The following BUB1B variants were observed in gnomAD, a reference collection of about 807,000 sequenced individuals.
BUB1B encodes the protein BUB1 mitotic checkpoint serine/threonine kinase B.
A neutral mutation model predicts 137.7 loss-of-function variants in BUB1B; 86 were observed. The observed-to-expected ratio is 0.62, with a 90% CI of 0.52 to 0.75. The LOEUF (loss-of-function observed/expected upper bound fraction) is 0.75, where lower values mean the gene tolerates loss of function less well. Among genes scored for constraint, BUB1B ranks in the 30% least tolerant of loss-of-function variants. The pLI is 0.00. For synonymous variants in BUB1B, 420 were observed against 417.9 expected (o/e 1.00, Z -0.06); for missense variants, 1,130 against 1,236.9 (o/e 0.91, Z 1.30).
intron 22 of BUB1B, among the ~76,000 whole-genome samples, chr15:40,219,156 C>T (rs186580888): frequency 1.1e-4 from 17 of 152,178 alleles, no homozygotes; most frequent in African/African-American, 1.7e-4. Flanking sequence ...GTGATCCGCC[C>T]GCCTCGGCCT....
In BUB1B at chr15:40,200,968, C is replaced by A; in HGVS notation, c.1555C>A (p.Pro519Thr). 1.2e-5 allele frequency: 19 copies of A among 1,613,234 alleles called. No individual in the cohort carries two copies. The highest frequency in any genetic ancestry group is 1.6e-5 in the Non-Finnish European group (19 of 1,179,494). ...SLAENIWQEQ[P>T]HSKGPSVPFS... ...TGCGGAGAACATTTGGCAGGAACAACCTCATTCTAAAGGTGAGTTGTATTT... is the reference window on the plus strand; with the variant it reads ...TGCGGAGAACATTTGGCAGGAACAAACTCATTCTAAAGGTGAGTTGTATTT... The change falls in exon 12 of 23, where the codon CCT becomes ACT. Residue 519 changes from proline to threonine, a missense_variant. Transcript: ENST00000287598.
intron 8 of BUB1B, among the ~76,000 whole-genome samples, chr15:40,191,330 T>G (rs562714735): frequency 6.6e-6 from 1 of 152,362 alleles, no homozygotes; most frequent in Non-Finnish European, 1.5e-5. Context: ...GGTTTTTTAT[T>G]GTTGAGTTTA....
intron 8 of BUB1B, among the ~76,000 whole-genome samples, chr15:40,187,614 A>G (rs2037383929): frequency 6.6e-6 from 1 of 152,050 alleles, no homozygotes; most frequent in South Asian, 2.1e-4. Flanking sequence ...AATTATAATA[A>G]TAAAGAAAAA....
At chr15:40,196,873 C>G in intron 9 of BUB1B, 99 bp downstream of exon 9, 1 of 1,086,642 alleles carries the variant, frequency 9.2e-7, no homozygotes, top group Non-Finnish European at 1.4e-6. Context: ...TAGTTTGTAC[C>G]TTTGTATGAT....
chr15:40,163,809 G>A (rs759860564), intron 1 of BUB1B, among the ~76,000 whole-genome samples: 26 of 152,202 alleles, frequency 1.7e-4, no homozygotes, highest in Non-Finnish European at 2.6e-4. Flanking sequence ...CGATCAGCCT[G>A]TGGTAAAATT....
Position 40,209,535 on chromosome 15 carries a change from G to A in BUB1B, c.2144-100G>A, listed in dbSNP as rs1595533373. ...TAGTTAAATTAACAGTGCTGACTGT[G>A]TAATCTTGATTTTTTTTTTCTTCTA... On this transcript the variant is annotated intron_variant, in intron 16 of 22. Coordinates refer to ENST00000287598, the MANE Select transcript of BUB1B (RefSeq NM_001211.6). 8 of 1,403,170 alleles carry A rather than the reference G, an allele frequency of 5.7e-6. No individual in the cohort carries two copies. The East Asian group carries it at 1.8e-4, about 32-fold the overall frequency. The allele number at this position is 1,403,170 out of a possible 1,614,324, so 86.9% of individuals were successfully genotyped here.
chr15:40,218,922 T>G (rs1168658330), intron 22 of BUB1B, among the ~76,000 whole-genome samples: 1 of 152,242 alleles, frequency 6.6e-6, no homozygotes, highest in African/African-American at 2.4e-5. Context: ...TTTATTTATT[T>G]ATTTTTTGAG....
At chr15:40,161,309 A>C in intron 1 of BUB1B, 54 bp downstream of exon 1, 4 of 1,579,054 alleles carry the variant, frequency 2.5e-6, no homozygotes, top group Non-Finnish European at 3.4e-6. Flanking sequence ...ACGGCCTGGT[A>C]GGTAATAGAA....
At chr15:40,193,360 G>T (rs769391916) in intron 8 of BUB1B, among the ~76,000 whole-genome samples, 1 of 150,176 alleles carries the variant, frequency 6.7e-6, no homozygotes, top group Non-Finnish European at 1.5e-5. Context: ...TCTAATAGGT[G>T]TGCAGCAGTA....
chr15:40,204,379 G>C (rs2140902996), intron 14 of BUB1B, among the ~76,000 whole-genome samples: 1 of 151,598 alleles, frequency 6.6e-6, no homozygotes. Flanking sequence ...TGGATACAGT[G>C]GTTCTAGATT....
intron 20 of BUB1B, among the ~76,000 whole-genome samples, chr15:40,216,044 G>GT (rs2037776543): frequency 6.6e-6 from 1 of 152,222 alleles, no homozygotes; most frequent in African/African-American, 2.4e-5. Context: ...CAAAGTAACA[G>GT]TGAGTGAGTA....
At chr15:40,216,563 ATATATATATT>A (rs1381405241) in intron 20 of BUB1B, among the ~76,000 whole-genome samples, 1 of 91,944 alleles carries the variant, frequency 1.1e-5, no homozygotes, top group Non-Finnish European at 2.3e-5. Flanking sequence ...ATATATATAT[ATATATATATT>A]TTTTTTTTTT....
At chr15:40,196,515 A>T in intron 8 of BUB1B, 30 bp from the exon 9 acceptor site, 1 of 1,547,406 alleles carries the variant, frequency 6.5e-7, no homozygotes, top group Non-Finnish European at 8.9e-7. Context: ...ATTTTGACCC[A>T]TATGAATAAT....
intron 13 of BUB1B, 41 bp downstream of exon 13, chr15:40,202,506 G>C (rs752849443): frequency 6.3e-7 from 1 of 1,595,284 alleles, no homozygotes; most frequent in Non-Finnish European, 8.6e-7. Context: ...TTTTACTTAA[G>C]AATTTTCTGT....
chr15:40,191,329 T>C (rs1489341856), intron 8 of BUB1B, among the ~76,000 whole-genome samples: 3 of 152,264 alleles, frequency 2.0e-5, no homozygotes, highest in African/African-American at 7.2e-5. Flanking sequence ...TGGTTTTTTA[T>C]TGTTGAGTTT....
At chr15:40,199,515 A>G in intron 9 of BUB1B, 100 bp from the exon 10 acceptor site, 4 of 832,728 alleles carry the variant, frequency 4.8e-6, no homozygotes, top group Non-Finnish European at 8.2e-6. Flanking sequence ...TTTCATCTGT[A>G]TTAGTAACAT....
intron 5 of BUB1B, among the ~76,000 whole-genome samples, chr15:40,181,807 A>C (rs1224354942): frequency 6.6e-6 from 1 of 152,092 alleles, no homozygotes; most frequent in African/African-American, 2.4e-5. Flanking sequence ...TTTCTGTTTC[A>C]TTCTTTTTTA....
rs1390700281 is a variant in BUB1B, at chr15:40,202,677, G to C, written c.1717G>C (p.Val573Leu). The C allele has an allele frequency of 4.3e-6, 7 of 1,613,312 alleles. No homozygotes were observed. The highest frequency in any genetic ancestry group is 5.9e-6 in the Non-Finnish European group (7 of 1,179,396). The change falls in exon 14 of 23, where the codon GTG (valine) becomes CTG (leucine). Residue 573 changes from valine to leucine, a missense_variant. By Grantham distance (32) the Val-to-Leu change is conservative. Transcript: ENST00000287598. Reference sequence around the variant, plus strand: ...AGAAAGCATCACCTCAAATGAAGATGTGTCTCCAGATGTTTGTGTAAGGAG... The same window carrying C: ...AGAAAGCATCACCTCAAATGAAGATCTGTCTCCAGATGTTTGTGTAAGGAG... Reference protein sequence around the residue: ...TSESITSNEDVSPDVCDEFTG... With the variant: ...TSESITSNEDLSPDVCDEFTG...
chr15:40,209,290 G>A (rs2037679348), intron 16 of BUB1B, among the ~76,000 whole-genome samples: 1 of 152,176 alleles, frequency 6.6e-6, no homozygotes, highest in Admixed American at 6.5e-5. Flanking sequence ...GCATGGTGGC[G>A]GGTGTCTGTA....
Sources: gnomAD v4.1 joint callset for allele counts (sites outside exome capture counted in the v4.1 genomes callset) on GRCh38, gnomAD v4.1.1 for gene constraint, MANE v1.5 for transcripts, NCBI Gene and HGNC (gene_info 2026-07-23, HGNC 2026-07-21) for gene names.